LRCH4: variants seen among roughly 807,000 people sequenced by gnomAD.
The protein encoded by LRCH4 is leucine-rich repeat and calponin homology domain-containing protein 4.
A neutral mutation model predicts 81.2 loss-of-function variants in LRCH4; 56 were observed. The observed-to-expected ratio is 0.69, with a 90% CI of 0.56 to 0.86. The LOEUF (loss-of-function observed/expected upper bound fraction) is 0.86. Ranked by LOEUF, LRCH4 falls within the 40% of genes least tolerant of loss-of-function variation. The probability of loss-of-function intolerance (pLI) is 0.00; values close to 1 mark genes in which losing one functional copy is unlikely to be tolerated. For missense variants in LRCH4, 895 were observed against 922.8 expected (o/e 0.97, Z 0.39); for synonymous variants, 442 against 409.7 (o/e 1.08, Z -0.95).
Position 100,582,062 on chromosome 7 carries a change from G to C in LRCH4, c.471C>G (p.Thr157=). The C allele has an allele frequency of 6.2e-7, 1 of 1,610,598 alleles. No homozygotes were observed. Among genetic ancestry groups the C allele is most frequent in the East Asian group, 2.2e-5 (1 of 44,846 alleles). The change falls in exon 3 of 18, where the codon ACC becomes ACG. Residue 157 remains threonine, a synonymous_variant. Coordinates refer to ENST00000310300, the MANE Select transcript of LRCH4 (RefSeq NM_002319.5). This position sits in a 1 kb window ranked among gnomAD's most constrained non-coding sequence, Gnocchi z 5.0. The part of the protein sequence containing the change: ...KLGALPPDIG[T]LGSLRQLDVS... ...TCACAAGCTGTCGCAGGCTTCCCAG[G>C]GTGCCGATGTCAGGGGGCAGGGCTC...
intron 14 of LRCH4, 82 bp from the exon 15 acceptor site, chr7:100,576,405 C>T (rs950129941): frequency 3.3e-6 from 3 of 916,052 alleles, no homozygotes; most frequent in Non-Finnish European, 1.7e-6. Flanking sequence ...CTGGCACCTA[C>T]ACCTCCTGCC....
At position 100,577,313 on chromosome 7, in the gene LRCH4, G is replaced by GCTGCCGCCGTTCCCGCTC. The variant is rs1801397455; in HGVS notation, c.1237_1254dup (p.Glu413_Gln418dup). 6.3e-7 allele frequency: 1 copy of GCTGCCGCCGTTCCCGCTC among 1,596,578 alleles called. No individual in the cohort carries two copies. The highest frequency in any genetic ancestry group is 1.1e-5 in the South Asian group (1 of 90,656). ...GCCCCCCACGCCCCGCTCTGCTGCT[G>GCTGCCGCCGTTCCCGCTC]CTGCCGCCGTTCCCGCTCCTGCCAC... On this transcript the variant is annotated inframe_insertion, in exon 11 of 18. Transcript: ENST00000310300. The surrounding 1 kb of genome is among the most constrained non-coding windows in gnomAD (Gnocchi z 6.7).
chr7:100,578,923 C>T lies in LRCH4; in HGVS notation c.599-137G>A, dbSNP rs1239833466. ...TCTCCCCTGGGTGGCTCAAGTCATT[C>T]CCCGGGAGAAACCTCCCTGCTCCTC... On this transcript the variant is annotated intron_variant, in intron 4 of 17. Coordinates refer to ENST00000310300, the MANE Select transcript of LRCH4 (RefSeq NM_002319.5). This position sits in a 1 kb window ranked among gnomAD's most constrained non-coding sequence, Gnocchi z 5.7. 2 of 869,712 alleles carry T rather than the reference C, an allele frequency of 2.3e-6. No homozygotes were observed. The highest frequency in any genetic ancestry group is 2.7e-5 in the East Asian group (1 of 37,500). The allele number at this position is 869,712 out of a possible 1,614,324, so 53.9% of individuals were successfully genotyped here.
intron 4 of LRCH4, chr7:100,581,000 A>G (rs1254305709): frequency 1.8e-4 from 28 of 152,304 alleles, no homozygotes; most frequent in Admixed American, 1.8e-3. Flanking sequence ...AGTGCATCAC[A>G]ACAAGCACAT....
At chr7:100,580,746 A>G (rs911177120) in intron 4 of LRCH4, 3 of 152,220 alleles carry the variant, frequency 2.0e-5, no homozygotes, top group African/African-American at 7.3e-5. Context: ...ACGCACACAC[A>G]CGACATAAAT....
rs866284550 is a variant in LRCH4 at position 100,577,951 on chromosome 7, G to A, written c.949-39C>T. Reference sequence around the variant, plus strand: ...GGCAGAGATGGGAGATGGCCTCTCTGTACATGGGGGCTCAGGACCTGGGGG... The same window carrying A: ...GGCAGAGATGGGAGATGGCCTCTCTATACATGGGGGCTCAGGACCTGGGGG... On this transcript the variant is annotated intron_variant, in intron 7 of 17. Coordinates refer to ENST00000310300, the MANE Select transcript of LRCH4 (RefSeq NM_002319.5). This position sits in a 1 kb window ranked among gnomAD's most constrained non-coding sequence, Gnocchi z 6.7. The A allele has an allele frequency of 6.5e-7, 1 of 1,550,370 alleles. No homozygotes were observed. The highest frequency in any genetic ancestry group is 1.1e-5 in the South Asian group (1 of 89,262).
At chr7:100,576,657 A>G (rs1433570012) in intron 14 of LRCH4, 37 bp downstream of exon 14, 2 of 1,530,850 alleles carry the variant, frequency 1.3e-6, no homozygotes, top group Admixed American at 3.8e-5. Flanking sequence ...GGTGCTGGCA[A>G]GCACTGGGTC....
intron 4 of LRCH4, chr7:100,580,430 ACACACACACACACACAAAACC>A (rs1290689601): frequency 6.6e-6 from 1 of 152,188 alleles, no homozygotes; most frequent in African/African-American, 2.4e-5. Flanking sequence ...ACACACACAC[ACACACACACACACACAAAACC>A]CACACACACG....
chr7:100,575,568 G>A lies in LRCH4; in HGVS notation c.1854+137C>T, dbSNP rs770855714. 106 of 1,064,622 alleles carry A rather than the reference G, an allele frequency of 1.0e-4. No individual in the cohort carries two copies. The highest frequency in any genetic ancestry group is 1.4e-4 in the Non-Finnish European group (93 of 685,000). The allele number at this position is 1,064,622 out of a possible 1,614,324, so 65.9% of individuals were successfully genotyped here. On this transcript the variant is annotated intron_variant, in intron 17 of 17. Transcript: ENST00000310300. The surrounding 1 kb of genome is among the most constrained non-coding windows in gnomAD (Gnocchi z 5.3). ...AGGGCAGGGGGCATGCAGGGCAGGG[G>A]GCATGCTGGGCAGGGCAGGGGCAGC... is the stretch of plus-strand genomic sequence containing the variant.
At chr7:100,581,645 GCT>G in intron 4 of LRCH4, 130 bp downstream of exon 4, 2 of 742,054 alleles carry the variant, frequency 2.7e-6, no homozygotes, top group Non-Finnish European at 4.4e-6. Flanking sequence ...CTGAACTTCA[GCT>G]TCCAGAACTG....
rs1554348384 is a variant in LRCH4, at chr7:100,574,617, G to GGCGCGCGCGCGC, written c.*489_*490insGCGCGCGCGCGC. On this transcript the variant is annotated 3_prime_UTR_variant, in exon 18 of 18. Transcript: ENST00000310300. Reference sequence around the variant, plus strand: ...GCCACAGCCACCAACACGCGGAGCAGACGCGCGCGCGCGCGCACACACACA... The same window carrying GGCGCGCGCGCGC: ...GCCACAGCCACCAACACGCGGAGCAGGCGCGCGCGCGCACGCGCGCGCGCGCGCACACACACA... 7.3e-6 allele frequency: 1 copy of GGCGCGCGCGCGC among 136,876 alleles called. No homozygotes were observed. Among genetic ancestry groups the GGCGCGCGCGCGC allele is most frequent in the African/African-American group, 2.9e-5 (1 of 34,172 alleles). The allele number at this position is 136,876 out of a possible 1,614,324, so 8.5% of individuals were successfully genotyped here.
At position 100,577,736 on chromosome 7, in the gene LRCH4, G is replaced by A. The variant is rs1255731370; in HGVS notation, c.1044C>T (p.Asp348=). The A allele has an allele frequency of 3.4e-5, 55 of 1,613,940 alleles. No individual in the cohort carries two copies. Among genetic ancestry groups the A allele is most frequent in the Non-Finnish European group, 4.2e-5 (50 of 1,180,010 alleles). The change falls in exon 9 of 18, where the codon GAC becomes GAT. Residue 348 remains aspartate (D), a synonymous_variant. Transcript: ENST00000310300. The surrounding 1 kb of genome is among the most constrained non-coding windows in gnomAD (Gnocchi z 6.7). Reference sequence around the variant, plus strand: ...TGAAGTCAATCTGCACAGGGTCTCCGTCCGCTGGGGAGGCCAGCATGTCAG... The same window carrying A: ...TGAAGTCAATCTGCACAGGGTCTCCATCCGCTGGGGAGGCCAGCATGTCAG... ...PRERKEDGSA[D]GDPVQIDFID... is the part of the protein sequence containing the mutation.
At chr7:100,585,472 C>T (rs1366232279) in intron 1 of LRCH4, among the ~76,000 whole-genome samples, 2 of 143,632 alleles carry the variant, frequency 1.4e-5, no homozygotes, top group Non-Finnish European at 3.1e-5. Flanking sequence ...CTCGGTGGGA[C>T]GGGGGTTAAG....
At chr7:100,585,180 G>A (rs1801688399) in intron 1 of LRCH4, 1 of 198,444 alleles carries the variant, frequency 5.0e-6, no homozygotes, top group Non-Finnish European at 1.1e-5. Context: ...ACTGAAATGG[G>A]AATTCTAAGA....
At chr7:100,576,872 C>A in intron 13 of LRCH4, 30 bp downstream of exon 13, 13 of 1,539,240 alleles carry the variant, frequency 8.4e-6, no homozygotes, top group Non-Finnish European at 1.1e-5. Flanking sequence ...CAACACAGGC[C>A]CCATCCTCCT....
At position 100,575,179 on chromosome 7, in the gene LRCH4, G is replaced by C; in HGVS notation, c.1980C>G (p.Gly660=). The C allele has an allele frequency of 6.2e-7, 1 of 1,613,206 alleles. No homozygotes were observed. Among genetic ancestry groups the C allele is most frequent in the Non-Finnish European group, 8.5e-7 (1 of 1,179,602 alleles). Residue 660 remains glycine (G), a synonymous_variant, in exon 18 of 18, where the codon GGC becomes GGG. Transcript: ENST00000310300. The surrounding 1 kb of genome is among the most constrained non-coding windows in gnomAD (Gnocchi z 5.3). ...GGACCACGTAGAAGACGACGAAGCC[G>C]CCCAGACCAGAGGGGGGCCAGAGGG... ...LPPLWPPSGL[G]GFVVFYVVLM...
Position 100,581,886 on chromosome 7 carries a change from G to T in LRCH4, c.493-4C>A, listed in dbSNP as rs766054843. The T allele has an allele frequency of 3.1e-6, 5 of 1,613,670 alleles. No homozygotes were observed. In the South Asian group the frequency reaches 3.3e-5, roughly 11 times the overall value. ...GGAGCTCGTTGCTGCTCACGTCCTG[G>T]TATCAGGAAGGCAGTGGGAAGGGGC... is the stretch of plus-strand genomic sequence containing the variant. On this transcript the variant is annotated splice_polypyrimidine_tract_variant and splice_region_variant and intron_variant, in intron 3 of 17. Coordinates refer to ENST00000310300, the MANE Select transcript of LRCH4 (RefSeq NM_002319.5).
rs1314533379 is a variant in LRCH4, at chr7:100,576,922, G to A, written c.1448C>T (p.Pro483Leu). Residue 483 changes from proline to leucine, a missense_variant, in exon 13 of 18, where the codon CCC (proline) becomes CTC (leucine). Pro to Leu is a moderately conservative substitution (Grantham distance 98). Transcript: ENST00000310300. The part of the protein sequence containing the change: ...APAPAPASQE[P>L]LPIAGPATAP... The stretch of plus-strand genomic sequence containing the variant: ...CCCACCTGGTCCAGCTATGGGAAGG[G>A]GCTCTTGGGAGGCAGGGGCAGGGGC... 1 of 1,561,790 alleles carries A rather than the reference G, an allele frequency of 6.4e-7. No individual in the cohort carries two copies. Among genetic ancestry groups the A allele is most frequent in the Admixed American group, 1.9e-5 (1 of 51,844 alleles).
Position 100,577,941 on chromosome 7 carries a change from T to C in LRCH4, c.949-29A>G. 6.3e-7 allele frequency: 1 copy of C among 1,581,760 alleles called. No homozygotes were observed. On this transcript the variant is annotated intron_variant, in intron 7 of 17. Coordinates refer to ENST00000310300, the MANE Select transcript of LRCH4 (RefSeq NM_002319.5). The surrounding 1 kb of genome is among the most constrained non-coding windows in gnomAD (Gnocchi z 6.7). ...TAAAGGCAGAGGCAGAGATGGGAGA[T>C]GGCCTCTCTGTACATGGGGGCTCAG... is the stretch of plus-strand genomic sequence containing the variant.
Sources: gnomAD v4.1 joint callset for allele counts (sites outside exome capture counted in the v4.1 genomes callset) on GRCh38, gnomAD v4.1.1 for gene constraint, Gnocchi (gnomAD v3.1) non-coding constraint, MANE v1.5 for transcripts, NCBI Gene and HGNC (gene_info 2026-07-23, HGNC 2026-07-21) for gene names.